Variants in DOCK1 observed in about 807,000 individuals in gnomAD.
DOCK1 encodes dedicator of cytokinesis protein 1.
A neutral mutation model predicts 262.7 loss-of-function variants in DOCK1; 138 were observed. The ratio of observed to expected loss-of-function variants is 0.53; its 90% CI spans 0.46 to 0.61. The LOEUF is 0.61. DOCK1 is among the 20% of genes least tolerant of loss of function. The pLI, the probability that DOCK1 is intolerant of heterozygous loss-of-function variation, is 0.00. For synonymous variants in DOCK1, 866 were observed against 867.4 expected (o/e 1.00, Z 0.03); for missense variants, 1,908 against 2,370.7 (o/e 0.80, Z 4.05).
chr10:126,942,994 C>T (rs927536666), intron 1 of DOCK1, among the ~76,000 whole-genome samples: 42 of 152,062 alleles, frequency 2.8e-4, no homozygotes, highest in African/African-American at 9.9e-4. Flanking sequence ...TGGTGGCTCA[C>T]GCCTGTAATC....
At chr10:127,398,749 C>G (rs573411434) in intron 38 of DOCK1, among the ~76,000 whole-genome samples, 1 of 152,176 alleles carries the variant, frequency 6.6e-6, no homozygotes, top group Non-Finnish European at 1.5e-5. Flanking sequence ...AGTCGCCCAC[C>G]AGTATCCTGG....
chr10:127,368,201 T>C (rs1401625973), intron 33 of DOCK1, among the ~76,000 whole-genome samples: 1 of 152,242 alleles, frequency 6.6e-6, no homozygotes, highest in East Asian at 1.9e-4. Flanking sequence ...GAGCCAGCTC[T>C]GTCAAGCTGA....
Position 127,447,379 on chromosome 10 carries a change from A to G in DOCK1, c.5414-15A>G. The G allele has an allele frequency of 6.2e-7, 1 of 1,608,576 alleles. No individual in the cohort carries two copies. The highest frequency in any genetic ancestry group is 8.5e-7 in the Non-Finnish European group (1 of 1,177,506). On this transcript the variant is annotated splice_polypyrimidine_tract_variant and intron_variant, in intron 50 of 51. Transcript: ENST00000623213. ...GGGAAGTCGGGCTGATTTTAAATAGATCCCGGTTTTCCAGGCTTGGAGCTG... is the reference window on the plus strand; with the variant it reads ...GGGAAGTCGGGCTGATTTTAAATAGGTCCCGGTTTTCCAGGCTTGGAGCTG...
chr10:127,126,732 G>A (rs1316968163), intron 26 of DOCK1, among the ~76,000 whole-genome samples: 1 of 152,064 alleles, frequency 6.6e-6, no homozygotes, highest in Non-Finnish European at 1.5e-5. Context: ...GTCTGTCCTT[G>A]CCCCTAGCCC....
intron 29 of DOCK1, among the ~76,000 whole-genome samples, chr10:127,291,870 C>T (rs570384415): frequency 1.8e-4 from 27 of 152,246 alleles, no homozygotes; most frequent in East Asian, 5.8e-4. Flanking sequence ...GGTGGGTTTG[C>T]GGTAGGAAGG....
chr10:127,407,031 G>A (rs1325190394), intron 40 of DOCK1, among the ~76,000 whole-genome samples: 8 of 150,386 alleles, frequency 5.3e-5, no homozygotes, highest in South Asian at 2.1e-4. Context: ...TTTTTTTTTC[G>A]GGGGGGCGGT....
At chr10:126,909,485 G>A (rs2031440393) in intron 1 of DOCK1, among the ~76,000 whole-genome samples, 1 of 152,156 alleles carries the variant, frequency 6.6e-6, no homozygotes, top group South Asian at 2.1e-4. Flanking sequence ...ACAGATGATG[G>A]GAGAGAAGCT....
At chr10:127,124,491 G>T (rs2049818592) in intron 25 of DOCK1, among the ~76,000 whole-genome samples, 2 of 152,188 alleles carry the variant, frequency 1.3e-5, no homozygotes, top group Admixed American at 1.3e-4. Flanking sequence ...ATTAGGGATT[G>T]CATTTCACCT....
intron 27 of DOCK1, chr10:127,145,848 A>G (rs1592214019): frequency 2.8e-6 from 1 of 356,874 alleles, no homozygotes; most frequent in East Asian, 8.6e-5. Flanking sequence ...ACACACGGAA[A>G]CCATTAGCTG....
At chr10:127,232,941 A>G (rs1590050224) in intron 27 of DOCK1, among the ~76,000 whole-genome samples, 1 of 152,308 alleles carries the variant, frequency 6.6e-6, no homozygotes, top group South Asian at 2.1e-4. Flanking sequence ...TAAAAAATAA[A>G]AAATCTTGAC....
intron 22 of DOCK1, among the ~76,000 whole-genome samples, chr10:127,060,244 C>A (rs6482980): frequency 0.26 from 39,343 of 152,056 alleles, 5,014 homozygotes; most frequent in Middle Eastern, 0.34. Flanking sequence ...AAAATGATTG[C>A]AGCTTGATGG....
intron 33 of DOCK1, among the ~76,000 whole-genome samples, chr10:127,366,461 G>A (rs1351248812): frequency 2.6e-5 from 4 of 152,074 alleles, no homozygotes; most frequent in East Asian, 3.9e-4. Context: ...CGTGGCAGTC[G>A]GTTGTGAAGC....
intron 25 of DOCK1, 29 bp from the exon 26 acceptor site, chr10:127,125,445 A>C: frequency 6.2e-7 from 1 of 1,610,934 alleles, no homozygotes; most frequent in Non-Finnish European, 8.5e-7. Context: ...TGGGTTTCAC[A>C]CTGACTGGCA....
intron 1 of DOCK1, among the ~76,000 whole-genome samples, chr10:126,907,281 T>TAGGCAGGAG (rs1037920915): frequency 7.2e-5 from 11 of 151,932 alleles, no homozygotes; most frequent in African/African-American, 2.7e-4. Context: ...AAGAGGTGGA[T>TAGGCAGGAG]AGGCAGGAGA....
At chr10:127,163,799 CTTTTTT>C (rs531750560) in intron 27 of DOCK1, among the ~76,000 whole-genome samples, 3 of 129,218 alleles carry the variant, frequency 2.3e-5, no homozygotes, top group Admixed American at 7.9e-5. Context: ...TAAAGCCTTC[CTTTTTT>C]TTTTTTTTTT....
intron 29 of DOCK1, among the ~76,000 whole-genome samples, chr10:127,324,960 A>AC (rs1405316980): frequency 6.6e-6 from 1 of 152,134 alleles, no homozygotes; most frequent in East Asian, 1.9e-4. Flanking sequence ...TGCCACTAGA[A>AC]CACAGGGTCC....
chr10:127,370,124 C>A (rs1024300250), intron 33 of DOCK1, among the ~76,000 whole-genome samples: 1 of 152,162 alleles, frequency 6.6e-6, no homozygotes, highest in African/African-American at 2.4e-5. Flanking sequence ...TTGGCCCCGA[C>A]CCAGGGAGAG....
intron 23 of DOCK1, among the ~76,000 whole-genome samples, chr10:127,093,113 G>A (rs2047643879): frequency 1.3e-5 from 2 of 151,910 alleles, no homozygotes; most frequent in Admixed American, 1.3e-4. Context: ...TCCTCGATGT[G>A]CTGTGGTTTG....
intron 25 of DOCK1, among the ~76,000 whole-genome samples, chr10:127,122,281 C>T (rs2049640852): frequency 6.6e-6 from 1 of 152,104 alleles, no homozygotes; most frequent in African/African-American, 2.4e-5. Flanking sequence ...GTGCCATAGC[C>T]TGTGTGACCC....
Sources: allele counts gnomAD v4.1 joint callset (sites outside exome capture counted in the v4.1 genomes callset), GRCh38; gene constraint gnomAD v4.1.1; transcripts MANE v1.5; gene names NCBI Gene and HGNC (gene_info 2026-07-23, HGNC 2026-07-21).